Variants in RUSC2 observed in about 807,000 individuals in gnomAD.
RUSC2 encodes RUN and SH3 domain containing 2.
RUSC2 carries 34 observed loss-of-function variants against 122.2 expected under a neutral mutation model. The observed-to-expected ratio is 0.28, with a 90% CI of 0.21 to 0.37. The LOEUF is 0.37. Among genes scored for constraint, RUSC2 ranks in the 10% least tolerant of loss-of-function variants. The pLI, the probability that RUSC2 is intolerant of heterozygous loss-of-function variation, is 1.00. For synonymous variants in RUSC2, 784 were observed against 790.0 expected (o/e 0.99, Z 0.13); for missense variants, 1,747 against 1,952.4 (o/e 0.89, Z 1.98).
intron 1 of RUSC2, among the ~76,000 whole-genome samples, chr9:35,509,853 G>A (rs1379155878): frequency 6.6e-6 from 1 of 152,138 alleles, no homozygotes; most frequent in Non-Finnish European, 1.5e-5. Flanking sequence ...CCACCCTGTA[G>A]GAAGGTATTA....
Position 35,555,250 on chromosome 9 carries a change from T to C in RUSC2, c.2205T>C (p.Ala735=), listed in dbSNP as rs1018229298. 6.2e-7 allele frequency: 1 copy of C among 1,613,246 alleles called. No individual in the cohort carries two copies. Among genetic ancestry groups the C allele is most frequent in the African/African-American group, 1.3e-5 (1 of 75,054 alleles). The part of the protein sequence containing the change: ...CSRTQQPAPL[A]APAAQVSVPA... The stretch of plus-strand genomic sequence containing the variant: ...GTACACAGCAGCCTGCCCCACTGGC[T>C]GCCCCTGCTGCTCAAGTCTCAGTCC... Residue 735 remains alanine, a synonymous_variant, in exon 3 of 12, where the codon GCT becomes GCC. Coordinates refer to ENST00000361226, the MANE Select transcript of RUSC2 (RefSeq NM_014806.5). The surrounding 1 kb of genome is among the most constrained non-coding windows in gnomAD (Gnocchi z 4.6).
chr9:35,536,473 T>C (rs1821529199), intron 1 of RUSC2, among the ~76,000 whole-genome samples: 1 of 152,128 alleles, frequency 6.6e-6, no homozygotes, highest in Non-Finnish European at 1.5e-5. Context: ...TTCTGAAACA[T>C]GTTTCAAGGA....
At chr9:35,496,263 A>G (rs907751855) in intron 1 of RUSC2, among the ~76,000 whole-genome samples, 1 of 152,194 alleles carries the variant, frequency 6.6e-6, no homozygotes, top group African/African-American at 2.4e-5. Context: ...ATCACAGAGA[A>G]TCAACAGGAA....
rs2132554036 is a variant in RUSC2, at chr9:35,547,909, C to T, written c.1388C>T (p.Ser463Phe). Residue 463 changes from serine (S) to phenylalanine (F), a missense_variant, in exon 2 of 12, where the codon TCC becomes TTC. Ser to Phe is a radical substitution (Grantham distance 155). Transcript: ENST00000361226. The surrounding 1 kb of genome is among the most constrained non-coding windows in gnomAD (Gnocchi z 4.6). ...CCAGAGGAACAAGAAGCAGTGAGTT[C>T]CTCCACCCAAGCAGCAGCTGCTGTG... ...VQPEEQEAVSSSTQAAAAVGP... is the reference protein window; with the variant it reads ...VQPEEQEAVSFSTQAAAAVGP... 2 of 1,614,248 alleles carry T rather than the reference C, an allele frequency of 1.2e-6. No homozygotes were observed. Among genetic ancestry groups the T allele is most frequent in the Non-Finnish European group, 1.7e-6 (2 of 1,180,054 alleles).
At chr9:35,525,225 G>T (rs1281420115) in intron 1 of RUSC2, among the ~76,000 whole-genome samples, 3 of 152,282 alleles carry the variant, frequency 2.0e-5, no homozygotes, top group African/African-American at 7.2e-5. Context: ...CTGGCTGTTG[G>T]TATTATCCTG....
chr9:35,517,496 C>A (rs1438572350), intron 1 of RUSC2, among the ~76,000 whole-genome samples: 1 of 142,422 alleles, frequency 7.0e-6, no homozygotes, highest in African/African-American at 2.6e-5. Flanking sequence ...AGATCAGTGT[C>A]CTGGGCCCAC....
At chr9:35,523,503 G>T (rs1821255613) in intron 1 of RUSC2, among the ~76,000 whole-genome samples, 1 of 152,058 alleles carries the variant, frequency 6.6e-6, no homozygotes, top group Non-Finnish European at 1.5e-5. Flanking sequence ...AGCAATAAAG[G>T]TCTTCACAAT....
At chr9:35,526,009 TC>T (rs1322422705) in intron 1 of RUSC2, among the ~76,000 whole-genome samples, 4 of 152,304 alleles carry the variant, frequency 2.6e-5, no homozygotes, top group African/African-American at 9.6e-5. Flanking sequence ...CAGAGTGAGT[TC>T]CTAGCATTTT....
intron 2 of RUSC2, among the ~76,000 whole-genome samples, chr9:35,551,172 G>A (rs1448796011): frequency 6.6e-6 from 1 of 152,140 alleles, no homozygotes; most frequent in African/African-American, 2.4e-5. Flanking sequence ...AATCACCTAA[G>A]ATAATGAAGA....
Position 35,557,867 on chromosome 9 carries a change from G to A in RUSC2, c.2984-47G>A. On this transcript the variant is annotated intron_variant, in intron 5 of 11. Transcript: ENST00000361226. The surrounding 1 kb of genome is among the most constrained non-coding windows in gnomAD (Gnocchi z 4.6). ...TGAGGTTTCAGCCCCAGCTGAGTTGGTTAAGGACTTGCTCAGGGACCTGTC... is the reference window on the plus strand; with the variant it reads ...TGAGGTTTCAGCCCCAGCTGAGTTGATTAAGGACTTGCTCAGGGACCTGTC... 1 of 1,565,250 alleles carries A rather than the reference G, an allele frequency of 6.4e-7. No individual in the cohort carries two copies. The highest frequency in any genetic ancestry group is 8.8e-7 in the Non-Finnish European group (1 of 1,135,342).
In RUSC2 at chr9:35,547,407, C is replaced by G. The variant is rs747323380; in HGVS notation, c.886C>G (p.Arg296Gly). The change falls in exon 2 of 12, where the codon CGT (arginine) becomes GGT (glycine). Residue 296 changes from arginine (R) to glycine (G), a missense_variant. Transcript: ENST00000361226. The surrounding 1 kb of genome is among the most constrained non-coding windows in gnomAD (Gnocchi z 4.6). ...CTACAACAAGATGCATGGCACCCCC[C>G]GTGCCAATCTCAACTCTGCCCCACA... Reference protein sequence around the residue: ...TLYNKMHGTPRANLNSAPQSC... With the variant: ...TLYNKMHGTPGANLNSAPQSC... 1.4e-5 allele frequency: 23 copies of G among 1,614,062 alleles called. No individual in the cohort carries two copies. The highest frequency in any genetic ancestry group is 3.3e-5 in the Admixed American group (2 of 60,008).
intron 1 of RUSC2, among the ~76,000 whole-genome samples, chr9:35,540,539 C>T (rs1299122731): frequency 6.6e-6 from 1 of 152,064 alleles, no homozygotes; most frequent in Admixed American, 6.5e-5. Context: ...GAATGTGAAC[C>T]ACAAGAGCAG....
At position 35,546,763 on chromosome 9, in the gene RUSC2, T is replaced by C. The variant is rs772603148; in HGVS notation, c.242T>C (p.Ile81Thr). ...ACTCCAGGAGGAACTGCACGGTCTA[T>C]AGACAGCACCAAGAGTAGGAGTCGG... is the stretch of plus-strand genomic sequence containing the variant. ...HSTPGGTARS[I>T]DSTKSRSRDG... Residue 81 changes from isoleucine (I) to threonine (T), a missense_variant, in exon 2 of 12, where the codon ATA (isoleucine) becomes ACA (threonine). Transcript: ENST00000361226. This position sits in a 1 kb window ranked among gnomAD's most constrained non-coding sequence, Gnocchi z 4.3. 6.2e-6 allele frequency: 10 copies of C among 1,600,552 alleles called. No homozygotes were observed. The highest frequency in any genetic ancestry group is 8.5e-6 in the Non-Finnish European group (10 of 1,173,792).
In RUSC2 at chr9:35,525,515, T is replaced by C. The variant is rs186091442; in HGVS notation, c.-92-20915T>C. On this transcript the variant is annotated intron_variant, in intron 1 of 11. Coordinates refer to ENST00000361226, the MANE Select transcript of RUSC2 (RefSeq NM_014806.5). ...TTTTTTTTTTCCTTTAAAAAGAATT[T>C]TTGGTCGAGCACGGTGGCTCATGCC... Among the ~76,000 whole-genome samples, 16 of 152,222 alleles carry C rather than the reference T, an allele frequency of 1.1e-4. No homozygotes were observed. In the East Asian group the frequency reaches 3.1e-3, roughly 29 times the overall value.
Position 35,555,011 on chromosome 9 carries a change from T to G in RUSC2, c.2015-49T>G, listed in dbSNP as rs767902848. 1 of 1,599,076 alleles carries G rather than the reference T, an allele frequency of 6.3e-7. No individual in the cohort carries two copies. The highest frequency in any genetic ancestry group is 1.7e-5 in the Admixed American group (1 of 58,768). On this transcript the variant is annotated intron_variant, in intron 2 of 11. Coordinates refer to ENST00000361226, the MANE Select transcript of RUSC2 (RefSeq NM_014806.5). This position sits in a 1 kb window ranked among gnomAD's most constrained non-coding sequence, Gnocchi z 4.6. ...CTCTGCTTCTGGGTTTTCTCTCATA[T>G]GGGTTTCAGTGTCTGTCTACTGATT... is the stretch of plus-strand genomic sequence containing the variant.
Position 35,547,510 on chromosome 9 carries a change from A to T in RUSC2, c.989A>T (p.Glu330Val). ...FYLDLQPSPFESKMSYESHHP... is the reference protein window; with the variant it reads ...FYLDLQPSPFVSKMSYESHHP... The stretch of plus-strand genomic sequence containing the variant: ...CTGGATCTGCAGCCCTCCCCATTTG[A>T]GTCTAAGATGTCTTATGAGTCCCAT... The change falls in exon 2 of 12, where the codon GAG becomes GTG. Residue 330 changes from glutamate (E) to valine (V), a missense_variant. Transcript: ENST00000361226. This position sits in a 1 kb window ranked among gnomAD's most constrained non-coding sequence, Gnocchi z 4.6. 1 of 1,613,978 alleles carries T rather than the reference A, an allele frequency of 6.2e-7. No homozygotes were observed.
In RUSC2 at chr9:35,556,570, A is replaced by T. The variant is rs558639310; in HGVS notation, c.2983+122A>T. 2.1e-4 allele frequency: 60 copies of T among 279,630 alleles called. No homozygotes were observed. The East Asian group carries it at 4.7e-3, about 22-fold the overall frequency. The allele number at this position is 279,630 out of a possible 1,614,324, so 17.3% of individuals were successfully genotyped here. On this transcript the variant is annotated intron_variant, in intron 5 of 11. Transcript: ENST00000361226. ...CTGGGCCCAGTGGCTCACGCCTGTA[A>T]TCCCAGCACTTTGGGAGGCCAAGGC...
At chr9:35,509,253 G>A (rs766930030) in intron 1 of RUSC2, among the ~76,000 whole-genome samples, 1 of 152,166 alleles carries the variant, frequency 6.6e-6, no homozygotes, top group Non-Finnish European at 1.5e-5. Flanking sequence ...CTTGAGCCCC[G>A]GAGGCACACC....
In RUSC2 at chr9:35,548,671, A is replaced by C. The variant is rs959586067; in HGVS notation, c.2014+136A>C. On this transcript the variant is annotated intron_variant, in intron 2 of 11. Transcript: ENST00000361226. The surrounding 1 kb of genome is among the most constrained non-coding windows in gnomAD (Gnocchi z 4.5). The stretch of plus-strand genomic sequence containing the variant: ...CACATCCTAGATCTGTTATCCTTCT[A>C]GGCCAGGGCAGGACCCACAGCTACA... 7.0e-7 allele frequency: 1 copy of C among 1,426,932 alleles called. No homozygotes were observed. Among genetic ancestry groups the C allele is most frequent in the Non-Finnish European group, 9.1e-7 (1 of 1,093,704 alleles). 88.4% of individuals were successfully genotyped at this position (1,426,932 alleles called of 1,614,324 possible). A position where few individuals can be genotyped will look rare whatever the true frequency, so the allele number is the denominator to read the frequency against.
Sources: allele counts gnomAD v4.1 joint callset (sites outside exome capture counted in the v4.1 genomes callset), GRCh38; gene constraint gnomAD v4.1.1; non-coding constraint Gnocchi (gnomAD v3.1); transcripts MANE v1.5; gene names NCBI Gene and HGNC (gene_info 2026-07-23, HGNC 2026-07-21).